The following COL9A2 variants were observed in gnomAD, a reference collection of about 807,000 sequenced individuals.
COL9A2 encodes collagen alpha-2(IX) chain.
COL9A2 carries 66 observed loss-of-function variants against 111.6 expected under a neutral mutation model. The ratio of observed to expected loss-of-function variants is 0.59; its 90% CI spans 0.48 to 0.73. The LOEUF (loss-of-function observed/expected upper bound fraction) is 0.73, where lower values mean the gene tolerates loss of function less well. COL9A2 is among the 30% of genes least tolerant of loss of function. The pLI, the probability that COL9A2 is intolerant of heterozygous loss-of-function variation, is 0.00. For synonymous variants in COL9A2, 353 were observed against 364.1 expected (o/e 0.97, Z 0.35); for missense variants, 881 against 954.1 (o/e 0.92, Z 1.01).
In COL9A2 at chr1:40,316,062, T is replaced by C; in HGVS notation, c.76-398A>G. 1 of 178,864 alleles carries C rather than the reference T, an allele frequency of 5.6e-6. No individual in the cohort carries two copies. The highest frequency in any genetic ancestry group is 2.4e-5 in the African/African-American group (1 of 42,294). 11.1% of individuals were successfully genotyped at this position (178,864 alleles called of 1,614,324 possible). ...GTGGACAGCTCAAATAAATCACAGA[T>C]GGAATGTAAGGTTGTGCCTAGCAGG... On this transcript the variant is annotated intron_variant, in intron 1 of 31. Transcript: ENST00000372748. This position sits in a 1 kb window ranked among gnomAD's most constrained non-coding sequence, Gnocchi z 5.5.
intron 2 of COL9A2, 77 bp downstream of exon 2, chr1:40,315,513 A>G: frequency 7.6e-7 from 1 of 1,310,268 alleles, no homozygotes; most frequent in South Asian, 1.3e-5. Context: ...CGAAGTCCCC[A>G]CCCCCACCAC....
intron 19 of COL9A2, among the ~76,000 whole-genome samples, chr1:40,306,800 A>G (rs1644036953): frequency 6.6e-6 from 1 of 151,922 alleles, no homozygotes; most frequent in South Asian, 2.1e-4. Context: ...TCCTATTTAT[A>G]ATTGTTTACC....
At chr1:40,309,557 G>T (rs209914) in intron 16 of COL9A2, among the ~76,000 whole-genome samples, 109,010 of 151,798 alleles carry the variant, frequency 0.72, 40,195 homozygotes, top group East Asian at 0.95. Flanking sequence ...CCAGGGCTTC[G>T]CCTAAAGTCT....
In COL9A2 at chr1:40,304,810, C is replaced by T. The variant is rs1431787303; in HGVS notation, c.1145G>A (p.Gly382Asp). The T allele has an allele frequency of 6.4e-7, 1 of 1,550,902 alleles. No homozygotes were observed. Among genetic ancestry groups the T allele is most frequent in the African/African-American group, 1.4e-5 (1 of 73,180 alleles). The change falls in exon 22 of 32, where the codon GGC becomes GAC. Residue 382 changes from glycine to aspartate, a missense_variant. Transcript: ENST00000372748. ...PGPRGEIGPQ[G>D]IMGQKGDQGE... is the part of the protein sequence containing the mutation. ...GGCACTTACCTTCTGTCCCATGATG[C>T]CCTGGGGACCAATTTCTCCTCGAGG...
At position 40,314,564 on chromosome 1, in the gene COL9A2, C is replaced by T. The variant is rs1033851453; in HGVS notation, c.151-177G>A. 6.6e-6 allele frequency among the ~76,000 whole-genome samples: 1 copy of T among 152,124 alleles called. No homozygotes were observed. The highest frequency in any genetic ancestry group is 2.4e-5 in the African/African-American group (1 of 41,416). Reference sequence around the variant, plus strand: ...CCCCCTTTTCCTCAAAAATAAAAACCAAAAACAAATCACAGGAGCATGAGA... The same window carrying T: ...CCCCCTTTTCCTCAAAAATAAAAACTAAAAACAAATCACAGGAGCATGAGA... On this transcript the variant is annotated intron_variant, in intron 2 of 31. Coordinates refer to ENST00000372748, the MANE Select transcript of COL9A2 (RefSeq NM_001852.4). This position sits in a 1 kb window ranked among gnomAD's most constrained non-coding sequence, Gnocchi z 4.1.
chr1:40,305,168 T>C (rs112930457), intron 21 of COL9A2, among the ~76,000 whole-genome samples: 17,237 of 148,064 alleles, frequency 0.12, 1,498 homozygotes, highest in African/African-American at 0.24. Flanking sequence ...CCCGGGTTCA[T>C]GCCATTCTCC....
In COL9A2 at chr1:40,302,734, G is replaced by C; in HGVS notation, c.1679C>G (p.Pro560Arg). Residue 560 changes from proline (P) to arginine (R), a missense_variant, in exon 30 of 32, where the codon CCT becomes CGT. By Grantham distance (103) the Pro-to-Arg change is moderately radical. Transcript: ENST00000372748. This position sits in a 1 kb window ranked among gnomAD's most constrained non-coding sequence, Gnocchi z 4.5. ...GAVGMMGPPG[P>R]PGPPGYPGKQ... is the part of the protein sequence containing the mutation. ...GCCTGGGTACCCAGGGGGCCCAGGA[G>C]GTCCTGGAGGACCCATCATGCCCAC... 6.4e-7 allele frequency: 1 copy of C among 1,571,606 alleles called. No individual in the cohort carries two copies. The highest frequency in any genetic ancestry group is 8.6e-7 in the Non-Finnish European group (1 of 1,159,448).
intron 21 of COL9A2, 177 bp from the exon 22 acceptor site, chr1:40,305,024 A>G: frequency 1.8e-6 from 1 of 550,554 alleles, no homozygotes; most frequent in Non-Finnish European, 3.2e-6. Context: ...GACCCAACAC[A>G]ATTTGAATTA....
chr1:40,311,264 C>A lies in COL9A2; in HGVS notation c.542G>T (p.Gly181Val). 2 of 1,614,160 alleles carry A rather than the reference C, an allele frequency of 1.2e-6. No homozygotes were observed. Among genetic ancestry groups the A allele is most frequent in the Non-Finnish European group, 1.7e-6 (2 of 1,180,008 alleles). Residue 181 changes from glycine to valine, a missense_variant, in exon 11 of 32, where the codon GGA (glycine) becomes GTA (valine). By Grantham distance (109) the Gly-to-Val change is moderately radical. Transcript: ENST00000372748. This position sits in a 1 kb window ranked among gnomAD's most constrained non-coding sequence, Gnocchi z 5.1. ...DFLCPTNCPPGMKGPPGLQGV... is the reference protein window; with the variant it reads ...DFLCPTNCPPVMKGPPGLQGV... ...CTGCAGCCCTGGGGGACCTTTCATT[C>A]CGGGTGGACAGTTGGTTGGACACTG...
intron 30 of COL9A2, 104 bp from the exon 31 acceptor site, chr1:40,301,993 T>C: frequency 1.7e-6 from 2 of 1,200,818 alleles, no homozygotes; most frequent in Non-Finnish European, 2.4e-6. Flanking sequence ...TTTGTGCTAG[T>C]TTGTAATAGA....
chr1:40,307,550 C>T lies in COL9A2; in HGVS notation c.955-51G>A, dbSNP rs370210846. 124 of 1,607,400 alleles carry T rather than the reference C, an allele frequency of 7.7e-5. No individual in the cohort carries two copies. The highest frequency in any genetic ancestry group is 1.0e-4 in the Non-Finnish European group (123 of 1,174,934). On this transcript the variant is annotated intron_variant, in intron 18 of 31. Transcript: ENST00000372748. This position sits in a 1 kb window ranked among gnomAD's most constrained non-coding sequence, Gnocchi z 4.8. Reference sequence around the variant, plus strand: ...ACAAATTAAAGCTCCAGCCAGAGGGCCATGGCTTCTACCCAGATGCAGGTA... The same window carrying T: ...ACAAATTAAAGCTCCAGCCAGAGGGTCATGGCTTCTACCCAGATGCAGGTA...
Position 40,305,762 on chromosome 1 carries a change from G to T in COL9A2, c.1060C>A (p.Pro354Thr). Residue 354 changes from proline to threonine, a missense_variant, in exon 21 of 32, where the codon CCG (proline) becomes ACG (threonine). Transcript: ENST00000372748. ...AATCCAGGAAGGCCCTGCGGGCCCG[G>T]CTCACCCTGCAGGAAAACAGTTCTC... ...TKGGPGDQGE[P>T]GPQGLPGFSG... 6.2e-7 allele frequency: 1 copy of T among 1,614,058 alleles called. No homozygotes were observed. Among genetic ancestry groups the T allele is most frequent in the Non-Finnish European group, 8.5e-7 (1 of 1,179,960 alleles).
rs1002805746 is a variant in COL9A2, at chr1:40,304,863, A to G, written c.1108-16T>C. 1.7e-5 allele frequency: 27 copies of G among 1,548,710 alleles called. No individual in the cohort carries two copies. Among genetic ancestry groups the G allele is most frequent in the African/African-American group, 2.7e-5 (2 of 73,030 alleles). On this transcript the variant is annotated splice_polypyrimidine_tract_variant and intron_variant, in intron 21 of 31. Transcript: ENST00000372748. ...CTGGCTCTCCCTGGAGGAAGGAGAA[A>G]TTGGGGCTAAGCGTTTGACCTGGTG...
Position 40,315,574 on chromosome 1 carries a change from C to T in COL9A2, c.150+16G>A. On this transcript the variant is annotated intron_variant, in intron 2 of 31. Coordinates refer to ENST00000372748, the MANE Select transcript of COL9A2 (RefSeq NM_001852.4). ...TGCCGCCTCCCTCCCGCCCTGGTCT[C>T]AGGTTAGAGACTTACGTCGATGCCG... The T allele has an allele frequency of 1.9e-6, 3 of 1,551,486 alleles. No individual in the cohort carries two copies. Among genetic ancestry groups the T allele is most frequent in the Non-Finnish European group, 2.6e-6 (3 of 1,146,582 alleles).
rs1281645117 is a variant in COL9A2 at position 40,311,670 on chromosome 1, C to T, written c.463G>A (p.Gly155Arg). The T allele has an allele frequency of 1.2e-6, 2 of 1,613,912 alleles. No individual in the cohort carries two copies. The highest frequency in any genetic ancestry group is 1.3e-5 in the African/African-American group (1 of 74,896). The change falls in exon 9 of 32, where the codon GGG (glycine) becomes AGG (arginine). Residue 155 changes from glycine (G) to arginine (R), a missense_variant. Gly to Arg is a moderately radical substitution (Grantham distance 125). Transcript: ENST00000372748. This position sits in a 1 kb window ranked among gnomAD's most constrained non-coding sequence, Gnocchi z 5.1. ...DGPSGPPGPP[G>R]KPGRPGTIQG... ...GGTCTGGGGACACTTACAGGTTTCC[C>T]AGGGGGTCCTGGGGGCCCCGATGGT...
Position 40,311,638 on chromosome 1 carries a change from TGTCGGGG to T in COL9A2, c.471+17_471+23del, listed in dbSNP as rs748017931. ...CTTCTCCTTCCCCTGCACTTTGCCA[TGTCGGGG>T]GTCTGGGGACACTTACAGGTTTCCC... On this transcript the variant is annotated intron_variant, in intron 9 of 31. Transcript: ENST00000372748. The surrounding 1 kb of genome is among the most constrained non-coding windows in gnomAD (Gnocchi z 5.1). 3 of 1,613,930 alleles carry T rather than the reference TGTCGGGG, an allele frequency of 1.9e-6. No individual in the cohort carries two copies. In the Admixed American group the frequency reaches 5.0e-5, roughly 27 times the overall value.
rs991450935 is a variant in COL9A2, at chr1:40,303,252, G to A, written c.1549-67C>T. ...GGGCCCACCGCTCCTATCCCACCTGGCTGAGCGTGAGGCCGCCATGGAGGA... is the reference window on the plus strand; with the variant it reads ...GGGCCCACCGCTCCTATCCCACCTGACTGAGCGTGAGGCCGCCATGGAGGA... On this transcript the variant is annotated intron_variant, in intron 28 of 31. Coordinates refer to ENST00000372748, the MANE Select transcript of COL9A2 (RefSeq NM_001852.4). This position sits in a 1 kb window ranked among gnomAD's most constrained non-coding sequence, Gnocchi z 4.6. The A allele has an allele frequency of 1.7e-5, 26 of 1,505,800 alleles. No homozygotes were observed. The highest frequency in any genetic ancestry group is 2.4e-5 in the Non-Finnish European group (26 of 1,097,274). 93.3% of individuals were successfully genotyped at this position (1,505,800 alleles called of 1,614,324 possible).
chr1:40,302,165 C>G lies in COL9A2; in HGVS notation c.1793-276G>C, dbSNP rs1643924216. Among the ~76,000 whole-genome samples the G allele has an allele frequency of 1.3e-5, 2 of 152,174 alleles. No individual in the cohort carries two copies. The highest frequency in any genetic ancestry group is 4.1e-4 in the South Asian group (2 of 4,830). Reference sequence around the variant, plus strand: ...ACTAAGACAAACTCTATGTAAACTACTCTAAGGATAGTCCTCACTGCCACA... The same window carrying G: ...ACTAAGACAAACTCTATGTAAACTAGTCTAAGGATAGTCCTCACTGCCACA... On this transcript the variant is annotated intron_variant, in intron 30 of 31. Coordinates refer to ENST00000372748, the MANE Select transcript of COL9A2 (RefSeq NM_001852.4). This position sits in a 1 kb window ranked among gnomAD's most constrained non-coding sequence, Gnocchi z 4.5.
Position 40,303,394 on chromosome 1 carries a change from C to T in COL9A2, c.1548+136G>A, listed in dbSNP as rs1643946744. ...CCCTCAGGCTGCACTCACAGCCTTC[C>T]TGTCTGCTCTGGGGCTTGGAACCAG... is the stretch of plus-strand genomic sequence containing the variant. On this transcript the variant is annotated intron_variant, in intron 28 of 31. Coordinates refer to ENST00000372748, the MANE Select transcript of COL9A2 (RefSeq NM_001852.4). The surrounding 1 kb of genome is among the most constrained non-coding windows in gnomAD (Gnocchi z 4.6). 1 of 1,331,358 alleles carries T rather than the reference C, an allele frequency of 7.5e-7. No homozygotes were observed. Among genetic ancestry groups the T allele is most frequent in the Non-Finnish European group, 1.1e-6 (1 of 952,290 alleles). 82.5% of individuals were successfully genotyped at this position (1,331,358 alleles called of 1,614,324 possible). A position where few individuals can be genotyped will look rare whatever the true frequency, so the allele number is the denominator to read the frequency against.
Sources: allele counts gnomAD v4.1 joint callset (sites outside exome capture counted in the v4.1 genomes callset), GRCh38; gene constraint gnomAD v4.1.1; non-coding constraint Gnocchi (gnomAD v3.1); transcripts MANE v1.5; gene names NCBI Gene and HGNC (gene_info 2026-07-23, HGNC 2026-07-21).